The following ELMOD3 variants were observed in gnomAD, a reference collection of about 807,000 sequenced individuals.
The protein encoded by ELMOD3 is ELMO domain containing 3.
Under a neutral mutation model 47.4 loss-of-function variants are expected in ELMOD3, and 36 were observed. The observed-to-expected ratio is 0.76, with a 90% CI of 0.58 to 1.00. The LOEUF is 1.00. Ranked by LOEUF, ELMOD3 falls within the 50% of genes least tolerant of loss-of-function variation. ELMOD3 has a pLI of 0.00. For synonymous variants in ELMOD3, 149 were observed against 183.5 expected (o/e 0.81, Z 1.52); for missense variants, 404 against 463.8 (o/e 0.87, Z 1.18).
At chr2:85,364,137 T>A (rs1165052562) in intron 6 of ELMOD3, among the ~76,000 whole-genome samples, 1 of 127,666 alleles carries the variant, frequency 7.8e-6, no homozygotes, top group East Asian at 2.1e-4. Context: ...AAAAAAATAC[T>A]CTTTTTTTTT....
rs1344261182 is a variant in ELMOD3 at position 85,391,295 on chromosome 2, A to T, written c.*333A>T. 4.3e-6 allele frequency: 1 copy of T among 231,708 alleles called. No homozygotes were observed. The highest frequency in any genetic ancestry group is 2.3e-5 in the African/African-American group (1 of 43,694). The allele number at this position is 231,708 out of a possible 1,614,324, so 14.4% of individuals were successfully genotyped here. ...GGATGGCCCCATCTGGATGTTCTGC[A>T]GATCCCCACATGGGAGGAGATTCCC... is the stretch of plus-strand genomic sequence containing the variant. On this transcript the variant is annotated 3_prime_UTR_variant, in exon 14 of 14. Transcript: ENST00000409013.
chr2:85,391,024 C>A lies in ELMOD3; in HGVS notation c.*62C>A. 7.7e-7 allele frequency: 1 copy of A among 1,300,070 alleles called. No individual in the cohort carries two copies. Among genetic ancestry groups the A allele is most frequent in the Non-Finnish European group, 1.1e-6 (1 of 943,138 alleles). The allele number at this position is 1,300,070 out of a possible 1,614,324, so 80.5% of individuals were successfully genotyped here. A position where few individuals can be genotyped will look rare whatever the true frequency, so the allele number is the denominator to read the frequency against. ...AGGGGCTTTCAGGGGGTCAGTGGAG[C>A]CATGTCAGGAGCCTGGCCAGGCCGC... On this transcript the variant is annotated 3_prime_UTR_variant, in exon 14 of 14. Transcript: ENST00000409013.
intron 11 of ELMOD3, chr2:85,386,986 G>A: frequency 8.3e-7 from 1 of 1,204,002 alleles, no homozygotes. Context: ...TGAGCAACAA[G>A]AGCGAAACTC....
At chr2:85,390,454 G>C in intron 13 of ELMOD3, 189 bp downstream of exon 13, 3 of 1,614,160 alleles carry the variant, frequency 1.9e-6, no homozygotes, top group Non-Finnish European at 2.5e-6. Context: ...TGCCCTGACT[G>C]TCGCCCTTTT....
chr2:85,358,235 C>A (rs150845046), intron 4 of ELMOD3, among the ~76,000 whole-genome samples: 359 of 144,410 alleles, frequency 2.5e-3, no homozygotes, highest in African/African-American at 8.5e-3. Flanking sequence ...GCTGGGATCA[C>A]ACCATTGCAC....
At chr2:85,369,057 G>C (rs531982816) in intron 7 of ELMOD3, among the ~76,000 whole-genome samples, 211 of 152,310 alleles carry the variant, frequency 1.4e-3, no homozygotes, top group Non-Finnish European at 1.5e-3. Flanking sequence ...GAGTGGCAAG[G>C]CTGGGTAGGA....
chr2:85,371,245 A>G (rs1246313769), intron 9 of ELMOD3, 36 bp downstream of exon 9: 2 of 1,614,028 alleles, frequency 1.2e-6, no homozygotes, highest in East Asian at 4.5e-5. Flanking sequence ...CAGTTGCTGC[A>G]TCTGTGGTTG....
At chr2:85,363,822 T>G (rs181944506) in intron 6 of ELMOD3, among the ~76,000 whole-genome samples, 1 of 152,328 alleles carries the variant, frequency 6.6e-6, no homozygotes, top group Admixed American at 6.5e-5. Flanking sequence ...TATTCACTAT[T>G]ATGAGAACAG....
intron 11 of ELMOD3, chr2:85,387,087 T>C (rs771119000): frequency 2.1e-4 from 273 of 1,301,620 alleles, no homozygotes; most frequent in Non-Finnish European, 2.6e-4. Context: ...TTTTCTCATA[T>C]TTATTTTTAG....
At position 85,390,706 on chromosome 2, in the gene ELMOD3, T is replaced by G. The variant is rs1686287583; in HGVS notation, c.944-54T>G. The G allele has an allele frequency of 3.2e-6, 5 of 1,540,792 alleles. No homozygotes were observed. In the South Asian group the frequency reaches 6.0e-5, roughly 19 times the overall value. Reference sequence around the variant, plus strand: ...CTGCTAGGCTTGAGGCCTTGACTGTTGTGTCACCCAGAGCCCCCTCAAGCC... The same window carrying G: ...CTGCTAGGCTTGAGGCCTTGACTGTGGTGTCACCCAGAGCCCCCTCAAGCC... On this transcript the variant is annotated intron_variant, in intron 13 of 13. Transcript: ENST00000409013.
chr2:85,386,713 G>A lies in ELMOD3; in HGVS notation c.739-3038G>A, dbSNP rs141370171. ...CAGTGGGCTTTTTAAGAATGTTCCC[G>A]GGCTGGGTGTGGTGGCTCACGCCTG... On this transcript the variant is annotated intron_variant, in intron 11 of 13. Coordinates refer to ENST00000409013, the MANE Select transcript of ELMOD3 (RefSeq NM_001135022.2). Among the ~76,000 whole-genome samples, 513 of 152,158 alleles carry A rather than the reference G, an allele frequency of 3.4e-3. 2 individuals are homozygous for A. The highest frequency in any genetic ancestry group is 0.012 in the African/African-American group (487 of 41,530).
At chr2:85,380,839 A>T (rs1685490501) in intron 11 of ELMOD3, among the ~76,000 whole-genome samples, 1 of 152,152 alleles carries the variant, frequency 6.6e-6, no homozygotes, top group African/African-American at 2.4e-5. Flanking sequence ...ATAGCTGATT[A>T]TAAAACCACC....
intron 11 of ELMOD3, among the ~76,000 whole-genome samples, chr2:85,387,986 A>C (rs1686057737): frequency 6.6e-6 from 1 of 152,134 alleles, no homozygotes; most frequent in Non-Finnish European, 1.5e-5. Context: ...TACGTATAAA[A>C]TGTCACCAAT....
chr2:85,389,635 T>C lies in ELMOD3; in HGVS notation c.739-116T>C, dbSNP rs17026285. The C allele has an allele frequency of 0.22, 160,922 of 732,158 alleles. 19,162 individuals carry two copies. Among genetic ancestry groups the C allele is most frequent in the African/African-American group, 0.3 (16,888 of 56,872 alleles). The allele number at this position is 732,158 out of a possible 1,614,324, so 45.4% of individuals were successfully genotyped here. ...TAGGAAAATTAAGTGGAAGCAATAA[T>C]AATATCAGCTGTTGCCTCTGGGGCT... On this transcript the variant is annotated intron_variant, in intron 11 of 13. Coordinates refer to ENST00000409013, the MANE Select transcript of ELMOD3 (RefSeq NM_001135022.2).
intron 11 of ELMOD3, among the ~76,000 whole-genome samples, chr2:85,385,074 C>A (rs1685835365): frequency 1.3e-5 from 2 of 152,148 alleles, no homozygotes; most frequent in Admixed American, 6.5e-5. Flanking sequence ...GTCAGGGTAG[C>A]TGTCATGAGA....
chr2:85,368,370 G>T (rs938088754), intron 6 of ELMOD3: 1 of 314,936 alleles, frequency 3.2e-6, no homozygotes, highest in Non-Finnish European at 6.1e-6. Context: ...CTGGGCTGTA[G>T]TGTGCCATGC....
chr2:85,382,210 C>T (rs1031481431), intron 11 of ELMOD3, among the ~76,000 whole-genome samples: 3 of 147,408 alleles, frequency 2.0e-5, no homozygotes, highest in Non-Finnish European at 3.0e-5. Context: ...GAGGCCGAGG[C>T]GGGCAGATCA....
intron 11 of ELMOD3, among the ~76,000 whole-genome samples, chr2:85,387,380 G>A (rs2104733588): frequency 6.6e-6 from 1 of 152,226 alleles, no homozygotes; most frequent in Middle Eastern, 3.4e-3. Context: ...TGTCTCATAA[G>A]GCCAGGCGCA....
At chr2:85,366,242 AT>A (rs200483151) in intron 6 of ELMOD3, among the ~76,000 whole-genome samples, 6,613 of 151,742 alleles carry the variant, frequency 0.044, 228 homozygotes, top group Middle Eastern at 0.065. Context: ...TAGTGCTGAG[AT>A]TATAGGCGTG....
Sources: allele counts gnomAD v4.1 joint callset (sites outside exome capture counted in the v4.1 genomes callset), GRCh38; gene constraint gnomAD v4.1.1; transcripts MANE v1.5; gene names NCBI Gene and HGNC (gene_info 2026-07-23, HGNC 2026-07-21).